Variants in DPF3 observed in about 807,000 individuals in gnomAD.
DPF3 encodes zinc finger protein DPF3.
Under a neutral mutation model 56.8 loss-of-function variants are expected in DPF3, and 18 were observed. The observed-to-expected ratio is 0.32, with a 90% confidence interval of 0.22 to 0.47. The LOEUF is 0.47. Among genes scored for constraint, DPF3 ranks in the 20% least tolerant of loss-of-function variants. DPF3 has a pLI of 1.00. For missense variants in DPF3, 403 were observed against 488.8 expected (o/e 0.82, Z 1.65); for synonymous variants, 188 against 180.2 (o/e 1.04, Z -0.35).
chr14:72,852,681 A>T (rs1328589261), intron 1 of DPF3, among the ~76,000 whole-genome samples: 2 of 152,222 alleles, frequency 1.3e-5, no homozygotes, highest in Non-Finnish European at 2.9e-5. Flanking sequence ...CTTGTATGTC[A>T]TTGGTCAAAC....
intron 1 of DPF3, among the ~76,000 whole-genome samples, chr14:72,814,552 C>T (rs1256653154): frequency 1.3e-5 from 2 of 152,146 alleles, no homozygotes; most frequent in Non-Finnish European, 2.9e-5. Context: ...TGGTTGCTGA[C>T]ACCTGTAATC....
intron 1 of DPF3, chr14:72,892,267 A>C: frequency 6.5e-7 from 1 of 1,535,540 alleles, no homozygotes. Flanking sequence ...TAGAAACAGC[A>C]TCAGCGGTGT....
chr14:72,806,578 T>G (rs1882792423), intron 1 of DPF3, among the ~76,000 whole-genome samples: 1 of 152,204 alleles, frequency 6.6e-6, no homozygotes, highest in Non-Finnish European at 1.5e-5. Context: ...CAAAACACTT[T>G]ATATCGTAAT....
chr14:72,883,202 T>A (rs1303650824), intron 1 of DPF3, among the ~76,000 whole-genome samples: 3 of 152,224 alleles, frequency 2.0e-5, no homozygotes, highest in Non-Finnish European at 2.9e-5. Context: ...GGTTTTCACC[T>A]GCAATCCCAG....
chr14:72,879,033 A>C (rs1024453025), intron 1 of DPF3, among the ~76,000 whole-genome samples: 3 of 152,216 alleles, frequency 2.0e-5, no homozygotes, highest in Non-Finnish European at 4.4e-5. Flanking sequence ...GGCTTCGCTC[A>C]CTCAACTATT....
intron 1 of DPF3, among the ~76,000 whole-genome samples, chr14:72,857,335 A>G (rs1375992209): frequency 6.6e-6 from 1 of 152,162 alleles, no homozygotes; most frequent in Non-Finnish European, 1.5e-5. Context: ...AAAAGTTATA[A>G]ACTTATTAAA....
rs112825135 is a variant in DPF3 at position 72,644,850 on chromosome 14, C to T, written c.872-15114G>A. Among the ~76,000 whole-genome samples the T allele has an allele frequency of 9.1e-3, 1,382 of 152,326 alleles. 25 individuals are homozygous for T. Among genetic ancestry groups the T allele is most frequent in the African/African-American group, 0.032 (1,321 of 41,548 alleles). ...GTGTGAGAGAATTAGGAATACATCA[C>T]CAGAAATCTGACCTCCTTTCAGGGA... On this transcript the variant is annotated intron_variant, in intron 8 of 10. Coordinates refer to ENST00000556509, the MANE Select transcript of DPF3 (RefSeq NM_001280542.3).
At chr14:72,665,362 G>A (rs578088761) in intron 8 of DPF3, among the ~76,000 whole-genome samples, 6 of 152,290 alleles carry the variant, frequency 3.9e-5, no homozygotes, top group South Asian at 4.1e-4. Flanking sequence ...CAAATGAACC[G>A]AGGTATATCT....
chr14:72,726,203 C>T (rs1223215307), intron 4 of DPF3, among the ~76,000 whole-genome samples: 1 of 152,188 alleles, frequency 6.6e-6, no homozygotes, highest in Non-Finnish European at 1.5e-5. Context: ...TTCGTAGAAC[C>T]ATCTTGCAAA....
At chr14:72,879,060 C>T (rs1481245832) in intron 1 of DPF3, among the ~76,000 whole-genome samples, 1 of 152,242 alleles carries the variant, frequency 6.6e-6, no homozygotes, top group African/African-American at 2.4e-5. Flanking sequence ...ACGTTTCCTA[C>T]GTGCCTGCTA....
intron 8 of DPF3, chr14:72,671,194 C>T (rs772536562): frequency 1.2e-6 from 2 of 1,614,030 alleles, no homozygotes; most frequent in Middle Eastern, 1.6e-4. Flanking sequence ...GCGTCCTCGA[C>T]AGGAGCGAGG....
At chr14:72,753,764 G>C (rs967681570) in intron 2 of DPF3, among the ~76,000 whole-genome samples, 1 of 152,130 alleles carries the variant, frequency 6.6e-6, no homozygotes, top group Non-Finnish European at 1.5e-5. Context: ...CCTTCAAAAC[G>C]GAGCAGCAGT....
At chr14:72,747,591 C>T (rs952379607) in intron 3 of DPF3, among the ~76,000 whole-genome samples, 6 of 147,134 alleles carry the variant, frequency 4.1e-5, no homozygotes, top group Non-Finnish European at 8.9e-5. Flanking sequence ...AGTTTGCAAC[C>T]AGGCTGGGCA....
rs532784603 is a variant in DPF3, at chr14:72,648,846, A to G, written c.872-19110T>C. Among the ~76,000 whole-genome samples, 3 of 152,164 alleles carry G rather than the reference A, an allele frequency of 2.0e-5. No homozygotes were observed. In the East Asian group the frequency reaches 5.8e-4, roughly 29 times the overall value. Reference sequence around the variant, plus strand: ...CAAGCCATAAAAGCTCCCATCTTCCAAAGAGATCCTTCCTGACCAAGCATC... The same window carrying G: ...CAAGCCATAAAAGCTCCCATCTTCCGAAGAGATCCTTCCTGACCAAGCATC... On this transcript the variant is annotated intron_variant, in intron 8 of 10. Transcript: ENST00000556509.
intron 1 of DPF3, among the ~76,000 whole-genome samples, chr14:72,861,755 G>GAAAGA (rs1567261156): frequency 2.2e-5 from 3 of 137,566 alleles, no homozygotes; most frequent in Non-Finnish European, 3.1e-5. Flanking sequence ...AAGAAAGAAA[G>GAAAGA]AAAGAAAGAA....
At chr14:72,686,985 T>C (rs1206124431) in intron 7 of DPF3, among the ~76,000 whole-genome samples, 2 of 152,244 alleles carry the variant, frequency 1.3e-5, no homozygotes, top group South Asian at 2.1e-4. Flanking sequence ...TAACATCTGT[T>C]AGATCTTTCC....
At chr14:72,892,876 G>A (rs1473812845) in intron 1 of DPF3, among the ~76,000 whole-genome samples, 1 of 152,228 alleles carries the variant, frequency 6.6e-6, no homozygotes, top group South Asian at 2.1e-4. Context: ...AGCGACACTA[G>A]TTTTCCGAGG....
At position 72,771,873 on chromosome 14, in the gene DPF3, T is replaced by G; in HGVS notation, c.53A>C (p.Lys18Thr). Residue 18 changes from lysine to threonine, a missense_variant, in exon 2 of 11, where the codon AAG (lysine) becomes ACG (threonine). Physicochemically the swap from Lys to Thr is moderately conservative, Grantham distance 78. Coordinates refer to ENST00000556509, the MANE Select transcript of DPF3 (RefSeq NM_001280542.3). The part of the protein sequence containing the change: ...PLKALGDQFY[K>T]EAIEHCRSYN... ...ACTCCGGCAGTGCTCAATGGCTTCC[T>G]TGTAGAACTGGTCCCCGAGCCTGCC... 6.3e-7 allele frequency: 1 copy of G among 1,599,888 alleles called. No homozygotes were observed. The highest frequency in any genetic ancestry group is 8.5e-7 in the Non-Finnish European group (1 of 1,172,944).
At chr14:72,892,346 T>C (rs1015308714) in intron 1 of DPF3, 2 of 1,534,840 alleles carry the variant, frequency 1.3e-6, no homozygotes, top group Non-Finnish European at 1.7e-6. Context: ...TAAAACATTT[T>C]CTTTCTTGGG....
Sources: allele counts gnomAD v4.1 joint callset (sites outside exome capture counted in the v4.1 genomes callset), GRCh38; gene constraint gnomAD v4.1.1; transcripts MANE v1.5; gene names NCBI Gene and HGNC (gene_info 2026-07-23, HGNC 2026-07-21).